PHTF2: variants seen among roughly 807,000 people sequenced by gnomAD.
PHTF2 encodes protein PHTF2.
In PHTF2, 60 loss-of-function variants were observed where a neutral mutation model predicts 101.2. The ratio of observed to expected loss-of-function variants is 0.59; its 90% confidence interval spans 0.48 to 0.73. The LOEUF is 0.73. PHTF2 is among the 30% of genes least tolerant of loss of function. The pLI is 0.00. For synonymous variants in PHTF2, 311 were observed against 307.3 expected, an observed-to-expected ratio of 1.01 and a Z score of -0.13; for missense variants, 747 against 908.7, an observed-to-expected ratio of 0.82 and a Z score of 2.29.
At chr7:77,895,137 T>G in intron 5 of PHTF2, 1 of 455,780 alleles carries the variant, frequency 2.2e-6, no homozygotes, top group Non-Finnish European at 4.4e-6. Context: ...AAATATCTAT[T>G]TGGTACTTGG....
intron 1 of PHTF2, among the ~76,000 whole-genome samples, chr7:77,802,075 A>C (rs536150603): frequency 6.6e-6 from 1 of 152,340 alleles, no homozygotes; most frequent in East Asian, 1.9e-4. Context: ...TGAAGCCTTA[A>C]AGGTCTGAAG....
chr7:77,924,179 C>A, intron 11 of PHTF2: 1 of 929,190 alleles, frequency 1.1e-6, no homozygotes, highest in Non-Finnish European at 1.3e-6. Flanking sequence ...AAAATGGAAA[C>A]AGAAGATTTG....
intron 1 of PHTF2, among the ~76,000 whole-genome samples, chr7:77,801,262 G>A (rs1289844273): frequency 2.6e-5 from 4 of 152,190 alleles, no homozygotes; most frequent in South Asian, 2.1e-4. Flanking sequence ...GTGCCAAGAT[G>A]ATGCCACAAG....
intron 16 of PHTF2, among the ~76,000 whole-genome samples, chr7:77,948,154 G>A (rs1450271399): frequency 6.6e-6 from 1 of 151,748 alleles, no homozygotes; most frequent in Non-Finnish European, 1.5e-5. Context: ...TTTTCTTTTT[G>A]TTTTTCTTTT....
intron 3 of PHTF2, among the ~76,000 whole-genome samples, chr7:77,885,289 G>T (rs1158157618): frequency 6.6e-6 from 1 of 151,874 alleles, no homozygotes; most frequent in African/African-American, 2.4e-5. Flanking sequence ...AGAGATGAGG[G>T]TCTCACTGTG....
chr7:77,850,360 CAAAA>C (rs71082789), intron 2 of PHTF2, among the ~76,000 whole-genome samples: 1,134 of 44,328 alleles, frequency 0.026, 31 homozygotes, highest in African/African-American at 0.089. Flanking sequence ...GACCTTGTCT[CAAAA>C]AAAAAAAAAA....
At chr7:77,823,194 G>A (rs890483120) in intron 1 of PHTF2, among the ~76,000 whole-genome samples, 10 of 150,614 alleles carry the variant, frequency 6.6e-5, no homozygotes, top group African/African-American at 2.4e-4. Flanking sequence ...GTGAGCCACC[G>A]CGCCCGGCCA....
intron 12 of PHTF2, among the ~76,000 whole-genome samples, chr7:77,936,399 A>C (rs886927172): frequency 3.3e-5 from 5 of 152,150 alleles, no homozygotes; most frequent in Non-Finnish European, 5.9e-5. Flanking sequence ...GGAAGTGGCC[A>C]GACACCGTGG....
chr7:77,927,199 TACACAC>T (rs375873189), intron 11 of PHTF2, among the ~76,000 whole-genome samples: 9 of 108,548 alleles, frequency 8.3e-5, no homozygotes, highest in African/African-American at 2.8e-4. Flanking sequence ...TATATATACA[TACACAC>T]ACACACACAC....
At chr7:77,939,359 A>T (rs1230155265) in intron 13 of PHTF2, among the ~76,000 whole-genome samples, 1 of 152,070 alleles carries the variant, frequency 6.6e-6, no homozygotes, top group African/African-American at 2.4e-5. Context: ...TAATCTCAAC[A>T]CTTTGGGAGC....
intron 9 of PHTF2, among the ~76,000 whole-genome samples, chr7:77,916,767 A>T (rs571079710): frequency 6.6e-6 from 1 of 152,280 alleles, no homozygotes; most frequent in African/African-American, 2.4e-5. Flanking sequence ...TTAATACCTA[A>T]TAATGGTATA....
At chr7:77,874,408 T>TAA (rs750890206) in intron 3 of PHTF2, among the ~76,000 whole-genome samples, 1 of 152,038 alleles carries the variant, frequency 6.6e-6, no homozygotes, top group Non-Finnish European at 1.5e-5. Flanking sequence ...ACTATATATA[T>TAA]AAAGGAGAGT....
intron 3 of PHTF2, among the ~76,000 whole-genome samples, chr7:77,861,457 T>C (rs1452623017): frequency 4.6e-5 from 7 of 152,148 alleles, no homozygotes; most frequent in Non-Finnish European, 1.0e-4. Context: ...TTTGACTCTT[T>C]CCTTTAACAC....
At chr7:77,927,577 G>A (rs537936240) in intron 11 of PHTF2, among the ~76,000 whole-genome samples, 11 of 152,260 alleles carry the variant, frequency 7.2e-5, no homozygotes, top group South Asian at 6.2e-4. Context: ...CAGCCTGGGC[G>A]ACAGAGTGAG....
intron 1 of PHTF2, among the ~76,000 whole-genome samples, chr7:77,834,259 G>A: frequency 6.9e-6 from 1 of 144,934 alleles, no homozygotes; most frequent in East Asian, 2.0e-4. Flanking sequence ...GCTGCCGTGA[G>A]CCCTGATCGT....
Position 77,929,405 on chromosome 7 carries a change from A to C in PHTF2, c.1338+78A>C, listed in dbSNP as rs183645819. ...TTATGTTCAAATGTTACAGAGGTGA[A>C]GAAAAAGCTTACATTCAAGCTTATA... On this transcript the variant is annotated intron_variant, in intron 12 of 19. Coordinates refer to ENST00000416283, the Ensembl canonical transcript of PHTF2. The C allele has an allele frequency of 2.6e-4, 184 of 712,210 alleles. No homozygotes were observed. In the African/African-American group the frequency reaches 3.0e-3, roughly 12 times the overall value. 44.1% of individuals were successfully genotyped at this position (712,210 alleles called of 1,614,324 possible).
chr7:77,806,702 C>T (rs1223906585), intron 1 of PHTF2, among the ~76,000 whole-genome samples: 1 of 152,030 alleles, frequency 6.6e-6, no homozygotes, highest in African/African-American at 2.4e-5. Context: ...AGTCTATCGT[C>T]TTGCTATTTG....
intron 9 of PHTF2, among the ~76,000 whole-genome samples, chr7:77,913,318 A>T (rs927231967): frequency 6.0e-5 from 9 of 150,582 alleles, no homozygotes; most frequent in African/African-American, 1.9e-4. Flanking sequence ...AACCCAGGCA[A>T]TGGAGGTTGT....
intron 1 of PHTF2, among the ~76,000 whole-genome samples, chr7:77,819,389 A>G (rs148806309): frequency 2.8e-4 from 42 of 152,262 alleles, no homozygotes; most frequent in African/African-American, 9.4e-4. Context: ...TATGGCCTTT[A>G]TTATGTTGAG....
Sources: allele counts gnomAD v4.1 joint callset (sites outside exome capture counted in the v4.1 genomes callset), GRCh38; gene constraint gnomAD v4.1.1; transcripts MANE v1.5; gene names NCBI Gene and HGNC (gene_info 2026-07-23, HGNC 2026-07-21).